Variants in CEP350 observed in about 807,000 individuals in gnomAD.
The protein encoded by CEP350 is centrosomal protein 350.
Under a neutral mutation model 331.8 loss-of-function variants are expected in CEP350, and 126 were observed. The observed-to-expected ratio is 0.38, with a 90% confidence interval of 0.33 to 0.44. The LOEUF (loss-of-function observed/expected upper bound fraction) is 0.44, where lower values mean the gene tolerates loss of function less well. Ranked by LOEUF, CEP350 falls within the 20% of genes least tolerant of loss-of-function variation. The probability of loss-of-function intolerance (pLI) is 1.00; values close to 1 mark genes in which losing one functional copy is unlikely to be tolerated. For synonymous variants in CEP350, 1,200 were observed against 1,259.5 expected, an observed-to-expected ratio of 0.95 and a Z score of 1.00; for missense variants, 3,406 against 3,634.6, an observed-to-expected ratio of 0.94 and a Z score of 1.62.
chr1:179,992,973 A>G (rs1314421366), intron 5 of CEP350, among the ~76,000 whole-genome samples: 1 of 152,010 alleles, frequency 6.6e-6, no homozygotes, highest in Non-Finnish European at 1.5e-5. Flanking sequence ...AGTTCTAGGT[A>G]TATGTTTGTA....
rs753617552 is a variant in CEP350 at position 179,986,168 on chromosome 1, G to A, written c.-13-1G>A. The A allele has an allele frequency of 6.5e-7, 1 of 1,549,658 alleles. No homozygotes were observed. The highest frequency in any genetic ancestry group is 1.2e-5 in the South Asian group (1 of 83,818). ...TTCGGTGAATACTGATGTGATTGCAGGTAAATTGGCAGGATGAGGAGCAGC... is the reference window on the plus strand; with the variant it reads ...TTCGGTGAATACTGATGTGATTGCAAGTAAATTGGCAGGATGAGGAGCAGC... On this transcript the variant is annotated splice_acceptor_variant, in intron 1 of 37. Transcript: ENST00000367607. LOFTEE classifies it low-confidence loss of function (5UTR_SPLICE).
At chr1:180,068,297 C>A (rs2149034010) in intron 27 of CEP350, among the ~76,000 whole-genome samples, 1 of 152,046 alleles carries the variant, frequency 6.6e-6, no homozygotes. Flanking sequence ...TTCTTGACCT[C>A]TTTGTTGAGT....
chr1:180,043,851 C>A (rs1304733434), intron 20 of CEP350, among the ~76,000 whole-genome samples, 200 bp from the exon 21 acceptor site: 6 of 151,648 alleles, frequency 4.0e-5, no homozygotes, highest in African/African-American at 1.2e-4. Flanking sequence ...GATTTTAAGT[C>A]TCTGTTTACA....
At chr1:180,029,200 T>C (rs1655855748) in intron 14 of CEP350, among the ~76,000 whole-genome samples, 2 of 152,242 alleles carry the variant, frequency 1.3e-5, no homozygotes, top group African/African-American at 4.8e-5. Flanking sequence ...CTTGGCAATC[T>C]TTTAATGTCA....
chr1:180,018,889 C>T (rs578202622), intron 11 of CEP350, among the ~76,000 whole-genome samples: 9 of 139,610 alleles, frequency 6.4e-5, no homozygotes, highest in African/African-American at 1.0e-4. Flanking sequence ...GACAGTCTTA[C>T]TGTGTCTTCC....
chr1:180,051,328 C>G (rs1345724688), intron 22 of CEP350, among the ~76,000 whole-genome samples: 1 of 152,116 alleles, frequency 6.6e-6, no homozygotes, highest in Non-Finnish European at 1.5e-5. Context: ...ATGAATTTTA[C>G]TAAGTGAAAA....
chr1:180,005,409 C>T (rs2148764678), intron 7 of CEP350, among the ~76,000 whole-genome samples: 1 of 151,866 alleles, frequency 6.6e-6, no homozygotes, highest in Non-Finnish European at 1.5e-5. Context: ...TATCACACCC[C>T]CGCCTCATAT....
At chr1:180,070,997 A>C (rs761950826) in intron 27 of CEP350, among the ~76,000 whole-genome samples, 2 of 151,760 alleles carry the variant, frequency 1.3e-5, no homozygotes, top group Non-Finnish European at 2.9e-5. Flanking sequence ...AAAATACAAA[A>C]ATTAGCTGGG....
In CEP350 at chr1:180,090,698, A is replaced by G; in HGVS notation, c.6426-16A>G. ...AGTAATATGTTTATTTCTGCTCATT[A>G]ATTTTTACACGTCAGATCTGAAACG... On this transcript the variant is annotated splice_polypyrimidine_tract_variant and intron_variant, in intron 32 of 37. Coordinates refer to ENST00000367607, the MANE Select transcript of CEP350 (RefSeq NM_014810.5). The G allele has an allele frequency of 6.5e-7, 1 of 1,537,030 alleles. No individual in the cohort carries two copies. The highest frequency in any genetic ancestry group is 8.8e-7 in the Non-Finnish European group (1 of 1,141,010).
chr1:180,090,045 T>C (rs898055472), intron 32 of CEP350, among the ~76,000 whole-genome samples: 3 of 152,142 alleles, frequency 2.0e-5, no homozygotes, highest in African/African-American at 7.2e-5. Context: ...GACAGTAATA[T>C]GGGGTGGTTT....
Position 180,050,673 on chromosome 1 carries a change from CAAAA to C in CEP350, c.4792+1982_4792+1985del, listed in dbSNP as rs4058356. 6.9e-3 allele frequency among the ~76,000 whole-genome samples: 582 copies of C among 84,072 alleles called. 3 individuals carry two copies. Among genetic ancestry groups the C allele is most frequent in the African/African-American group, 0.022 (550 of 25,524 alleles). 55.2% of individuals were successfully genotyped at this position (84,072 alleles called of 152,430 possible). The stretch of plus-strand genomic sequence containing the variant: ...AGTGAGATTCTGTCTCCAAAAAAAC[CAAAA>C]AAAAAAAAAAAAACAAAAAAACCTC... On this transcript the variant is annotated intron_variant, in intron 22 of 37. Coordinates refer to ENST00000367607, the MANE Select transcript of CEP350 (RefSeq NM_014810.5).
intron 13 of CEP350, among the ~76,000 whole-genome samples, chr1:180,023,877 T>C (rs1343853153): frequency 6.6e-6 from 1 of 152,160 alleles, no homozygotes; most frequent in Non-Finnish European, 1.5e-5. Flanking sequence ...GGTAATCTTA[T>C]ACAAATTAGT....
At chr1:179,979,805 A>C (rs73032356) in intron 1 of CEP350, among the ~76,000 whole-genome samples, 1 of 152,020 alleles carries the variant, frequency 6.6e-6, no homozygotes, top group Non-Finnish European at 1.5e-5. Context: ...TGAAGAGACT[A>C]TCCCCAATGA....
At chr1:180,106,942 A>G (rs527764430) in intron 37 of CEP350, among the ~76,000 whole-genome samples, 10 of 151,880 alleles carry the variant, frequency 6.6e-5, no homozygotes, top group African/African-American at 1.9e-4. Flanking sequence ...TTATTCCTTC[A>G]TCTTGTTAAA....
In CEP350 at chr1:180,092,615, T is replaced by C. The variant is rs1660264482; in HGVS notation, c.6510T>C (p.Asp2170=). The part of the protein sequence containing the change: ...GSLESIAEHV[D]ASLSGSERSV... ...GTGGTGATTTGTTTTTTCTTTAAGA[T>C]GCTTCACTGTCTGGTTCTGAGAGAT... Residue 2170 remains aspartate, a splice_region_variant and synonymous_variant, in exon 34 of 38, where the codon GAT becomes GAC. Transcript: ENST00000367607. The C allele has an allele frequency of 6.6e-7, 1 of 1,511,296 alleles. No homozygotes were observed. The highest frequency in any genetic ancestry group is 2.2e-5 in the Admixed American group (1 of 45,596). The allele number at this position is 1,511,296 out of a possible 1,614,324, so 93.6% of individuals were successfully genotyped here.
chr1:180,008,709 T>G lies in CEP350; in HGVS notation c.1246+2142T>G, dbSNP rs138959701. Among the ~76,000 whole-genome samples the G allele has an allele frequency of 4.6e-3, 702 of 152,342 alleles. 4 individuals are homozygous for G. Among genetic ancestry groups the G allele is most frequent in the Middle Eastern group, 0.017 (5 of 294 alleles). Reference sequence around the variant, plus strand: ...TGGTAAGCAAGATGCATCTAGCCCCTGCCTTCATGGAGCTTATAGTCTTGT... The same window carrying G: ...TGGTAAGCAAGATGCATCTAGCCCCGGCCTTCATGGAGCTTATAGTCTTGT... On this transcript the variant is annotated intron_variant, in intron 8 of 37. Transcript: ENST00000367607.
At chr1:180,047,954 C>G (rs1294960988) in intron 21 of CEP350, among the ~76,000 whole-genome samples, 1 of 151,990 alleles carries the variant, frequency 6.6e-6, no homozygotes, top group Non-Finnish European at 1.5e-5. Flanking sequence ...GACATGATTT[C>G]AAGCTTATAG....
At chr1:180,067,805 A>T (rs1023681084) in intron 27 of CEP350, among the ~76,000 whole-genome samples, 1 of 152,218 alleles carries the variant, frequency 6.6e-6, no homozygotes, top group African/African-American at 2.4e-5. Flanking sequence ...TAATGTGAAA[A>T]CTAGCTTTTA....
chr1:179,972,135 C>G (rs1651495714), intron 1 of CEP350, among the ~76,000 whole-genome samples: 1 of 152,050 alleles, frequency 6.6e-6, no homozygotes, highest in African/African-American at 2.4e-5. Context: ...TTTAATGTGC[C>G]TTTCAGATTT....
Sources: gnomAD v4.1 joint callset for allele counts (sites outside exome capture counted in the v4.1 genomes callset) on GRCh38, gnomAD v4.1.1 for gene constraint, MANE v1.5 for transcripts, NCBI Gene and HGNC (gene_info 2026-07-23, HGNC 2026-07-21) for gene names.